Variants in MYC observed in about 807,000 individuals in gnomAD.
The protein encoded by MYC is myc proto-oncogene protein.
MYC carries 1 observed loss-of-function variant against 30.5 expected under a neutral mutation model. That is an observed-to-expected ratio of 0.03 (90% CI 0.01 to 0.16). The LOEUF (loss-of-function observed/expected upper bound fraction) is 0.16. Among genes scored for constraint, MYC ranks in the 10% least tolerant of loss-of-function variants. MYC has a pLI of 1.00. For missense variants in MYC, 508 were observed against 589.0 expected, an observed-to-expected ratio of 0.86 and a Z score of 1.42; for synonymous variants, 267 against 250.7, an observed-to-expected ratio of 1.07 and a Z score of -0.62.
chr8:127,736,435 C>G lies in MYC; in HGVS notation c.-159C>G. Reference sequence around the variant, plus strand: ...CCTTGCCGCATCCACGAAACTTTGCCCATAGCAGCGGGCGGGCACTTTGCA... The same window carrying G: ...CCTTGCCGCATCCACGAAACTTTGCGCATAGCAGCGGGCGGGCACTTTGCA... On this transcript the variant is annotated 5_prime_UTR_variant, in exon 1 of 3. Transcript: ENST00000621592. 1.4e-6 allele frequency: 1 copy of G among 740,426 alleles called. No homozygotes were observed. Among genetic ancestry groups the G allele is most frequent in the South Asian group, 1.8e-5 (1 of 56,320 alleles). The allele number at this position is 740,426 out of a possible 1,614,324, so 45.9% of individuals were successfully genotyped here. A position where few individuals can be genotyped will look rare whatever the true frequency, so the allele number is the denominator to read the frequency against.
intron 1 of MYC, among the ~76,000 whole-genome samples, chr8:127,736,957 T>G (rs1376705766): frequency 6.6e-6 from 1 of 152,182 alleles, no homozygotes; most frequent in Admixed American, 6.5e-5. Flanking sequence ...CTCTGGGTTT[T>G]GGGGGGCTGG....
Position 127,738,332 on chromosome 8 carries a change from T to C in MYC, c.115T>C (p.Tyr39His). ...CTACGACTCGGTGCAGCCGTATTTC[T>C]ACTGCGACGAGGAGGAGAACTTCTA... Residue 39 changes from tyrosine to histidine, a missense_variant, in exon 2 of 3, where the codon TAC (tyrosine) becomes CAC (histidine). This residue lies in a region of MYC where 70 missense variants were observed against 84.5 expected (regional missense o/e 0.83). Transcript: ENST00000621592. This position sits in a 1 kb window ranked among gnomAD's most constrained non-coding sequence, Gnocchi z 7.6. 1.2e-6 allele frequency: 2 copies of C among 1,614,180 alleles called. No individual in the cohort carries two copies. The highest frequency in any genetic ancestry group is 1.7e-6 in the Non-Finnish European group (2 of 1,180,012).
At chr8:127,740,285 C>A in intron 2 of MYC, 111 bp from the exon 3 acceptor site, 1 of 1,164,252 alleles carries the variant, frequency 8.6e-7, no homozygotes, top group Non-Finnish European at 1.2e-6. Flanking sequence ...TAATTTTGTC[C>A]AGAGACCTTT....
At chr8:127,736,050 G>T, upstream of MYC, 1 of 399,316 alleles carries the variant, frequency 2.5e-6, no homozygotes, top group Non-Finnish European at 4.4e-6. Flanking sequence ...TTTATAATGC[G>T]AGGGTCTGGA....
Position 127,738,754 on chromosome 8 carries a change from C to T in MYC, c.537C>T (p.Pro179=), listed in dbSNP as rs748003319. ...GCAAAGACAGCGGCAGCCCGAACCC[C>T]GCCCGCGGCCACAGCGTCTGCTCCA... Residue 179 remains proline, a synonymous_variant, in exon 2 of 3, where the codon CCC becomes CCT. Transcript: ENST00000621592. The surrounding 1 kb of genome is among the most constrained non-coding windows in gnomAD (Gnocchi z 7.6). The T allele has an allele frequency of 1.2e-6, 2 of 1,611,706 alleles. No individual in the cohort carries two copies. Among genetic ancestry groups the T allele is most frequent in the South Asian group, 2.2e-5 (2 of 90,860 alleles).
upstream of MYC, chr8:127,736,044 T>C: frequency 2.5e-6 from 1 of 398,752 alleles, no homozygotes; most frequent in Non-Finnish European, 4.4e-6. Context: ...CGGCCCTTTA[T>C]AATGCGAGGG....
At position 127,738,921 on chromosome 8, in the gene MYC, C is replaced by G; in HGVS notation, c.704C>G (p.Ser235Trp). ...GACTCCAGCGCCTTCTCTCCGTCCT[C>G]GGATTCTCTGCTCTCCTCGACGGAG... The change falls in exon 2 of 3, where the codon TCG becomes TGG. Residue 235 changes from serine to tryptophan, a missense_variant. By Grantham distance (177) the Ser-to-Trp change is radical. Around this residue, in one of 5 missense-constraint regions of MYC, gnomAD observed 364 missense variants for 381.1 expected, o/e 0.96. Coordinates refer to ENST00000621592, the MANE Select transcript of MYC (RefSeq NM_002467.6). This position sits in a 1 kb window ranked among gnomAD's most constrained non-coding sequence, Gnocchi z 7.6. 1 of 1,609,106 alleles carries G rather than the reference C, an allele frequency of 6.2e-7. No homozygotes were observed. The highest frequency in any genetic ancestry group is 8.5e-7 in the Non-Finnish European group (1 of 1,179,918).
chr8:127,735,628 G>A (rs1813568368), upstream of MYC: 6 of 398,862 alleles, frequency 1.5e-5, no homozygotes, highest in East Asian at 1.8e-4. Context: ...ATCAAAGCGC[G>A]GCCCTTTCCC....
At position 127,738,714 on chromosome 8, in the gene MYC, C is replaced by T. The variant is rs777980347; in HGVS notation, c.497C>T (p.Ser166Phe). Residue 166 changes from serine to phenylalanine, a missense_variant, in exon 2 of 3, where the codon TCC becomes TTC. Physicochemically the swap from Ser to Phe is radical, Grantham distance 155. Coordinates refer to ENST00000621592, the MANE Select transcript of MYC (RefSeq NM_002467.6). The surrounding 1 kb of genome is among the most constrained non-coding windows in gnomAD (Gnocchi z 7.6). The stretch of plus-strand genomic sequence containing the variant: ...AAGCTCGTCTCAGAGAAGCTGGCCT[C>T]CTACCAGGCTGCGCGCAAAGACAGC... The T allele has an allele frequency of 6.2e-7, 1 of 1,614,002 alleles. No individual in the cohort carries two copies. The highest frequency in any genetic ancestry group is 8.5e-7 in the Non-Finnish European group (1 of 1,179,914).
rs764712948 is a variant in MYC at position 127,742,055 on chromosome 8, C to T, written c.*1097C>T. On this transcript the variant is annotated 3_prime_UTR_variant, in exon 3 of 3. Coordinates refer to ENST00000621592, the MANE Select transcript of MYC (RefSeq NM_002467.6). ...ATCTGGACCCATTCTGTTCAAAACA[C>T]TTAACCCTTCGCTATCATGCCTTGG... 6.6e-6 allele frequency among the ~76,000 whole-genome samples: 1 copy of T among 152,250 alleles called. No individual in the cohort carries two copies. Among genetic ancestry groups the T allele is most frequent in the Non-Finnish European group, 1.5e-5 (1 of 68,048 alleles).
Position 127,736,441 on chromosome 8 carries a change from C to A in MYC, c.-153C>A. 2 of 770,758 alleles carry A rather than the reference C, an allele frequency of 2.6e-6. No individual in the cohort carries two copies. The highest frequency in any genetic ancestry group is 4.2e-6 in the Non-Finnish European group (2 of 475,750). The allele number at this position is 770,758 out of a possible 1,614,324, so 47.7% of individuals were successfully genotyped here. A position where few individuals can be genotyped will look rare whatever the true frequency, so the allele number is the denominator to read the frequency against. On this transcript the variant is annotated 5_prime_UTR_variant, in exon 1 of 3. Coordinates refer to ENST00000621592, the MANE Select transcript of MYC (RefSeq NM_002467.6). ...CGCATCCACGAAACTTTGCCCATAG[C>A]AGCGGGCGGGCACTTTGCACTGGAA...
chr8:127,735,846 CGTA>C (rs1320932268), upstream of MYC: 1 of 398,752 alleles, frequency 2.5e-6, no homozygotes, highest in East Asian at 3.6e-5. Flanking sequence ...GGTAGGCGCG[CGTA>C]GTTAATTCAT....
Position 127,740,790 on chromosome 8 carries a change from G to T in MYC, c.1197G>T (p.Leu399Phe). The T allele has an allele frequency of 6.2e-7, 1 of 1,613,958 alleles. No individual in the cohort carries two copies. The highest frequency in any genetic ancestry group is 8.5e-7 in the Non-Finnish European group (1 of 1,180,006). ...CCCTGCGTGACCAGATCCCGGAGTT[G>T]GAAAACAATGAAAAGGCCCCCAAGG... The change falls in exon 3 of 3, where the codon TTG becomes TTT. Residue 399 changes from leucine to phenylalanine, a missense_variant. This residue lies in a region of MYC where 40 missense variants were observed against 78.4 expected (regional missense o/e 0.51). Coordinates refer to ENST00000621592, the MANE Select transcript of MYC (RefSeq NM_002467.6).
At chr8:127,735,573 C>A (rs1813567321), upstream of MYC, 1 of 399,074 alleles carries the variant, frequency 2.5e-6, no homozygotes, top group African/African-American at 2.1e-5. Flanking sequence ...TCTGAACGCG[C>A]GCCCATTAAT....
Position 127,742,377 on chromosome 8 carries a change from C to A in MYC, c.*1419C>A, listed in dbSNP as rs529598316. Reference sequence around the variant, plus strand: ...CCTGTCCAAGCCACCTCTCAGACGACGGTAGGAATCAGCTGGCTGCTTGTG... The same window carrying A: ...CCTGTCCAAGCCACCTCTCAGACGAAGGTAGGAATCAGCTGGCTGCTTGTG... On this transcript the variant is annotated 3_prime_UTR_variant, in exon 3 of 3. Transcript: ENST00000621592. Among the ~76,000 whole-genome samples the A allele has an allele frequency of 2.0e-5, 3 of 152,220 alleles. No individual in the cohort carries two copies. The highest frequency in any genetic ancestry group is 6.5e-5 in the Admixed American group (1 of 15,284).
At position 127,738,007 on chromosome 8, in the gene MYC, G is replaced by A. The variant is rs1813629490; in HGVS notation, c.31-241G>A. 6.6e-6 allele frequency among the ~76,000 whole-genome samples: 1 copy of A among 151,950 alleles called. No homozygotes were observed. The highest frequency in any genetic ancestry group is 2.4e-5 in the African/African-American group (1 of 41,378). On this transcript the variant is annotated intron_variant, in intron 1 of 2. Transcript: ENST00000621592. This position sits in a 1 kb window ranked among gnomAD's most constrained non-coding sequence, Gnocchi z 7.6. ...CGCTCCGGGCTCCCGGGGGAGCGGG[G>A]GCTCGGCGGGCACCAAGCCGCTGGT...
In MYC at chr8:127,736,458, G is replaced by A; in HGVS notation, c.-136G>A. 1 of 942,790 alleles carries A rather than the reference G, an allele frequency of 1.1e-6. No individual in the cohort carries two copies. The highest frequency in any genetic ancestry group is 1.5e-5 in the South Asian group (1 of 65,648). The allele number at this position is 942,790 out of a possible 1,614,324, so 58.4% of individuals were successfully genotyped here. A position where few individuals can be genotyped will look rare whatever the true frequency, so the allele number is the denominator to read the frequency against. On this transcript the variant is annotated 5_prime_UTR_variant, in exon 1 of 3. Transcript: ENST00000621592. ...GCCCATAGCAGCGGGCGGGCACTTT[G>A]CACTGGAACTTACAACACCCGAGCA...
rs2130091233 is a variant in MYC, at chr8:127,738,102, C to A, written c.31-146C>A. 1 of 938,020 alleles carries A rather than the reference C, an allele frequency of 1.1e-6. No individual in the cohort carries two copies. The highest frequency in any genetic ancestry group is 1.6e-6 in the Non-Finnish European group (1 of 644,320). The allele number at this position is 938,020 out of a possible 1,614,324, so 58.1% of individuals were successfully genotyped here. ...GTGAAAGGGTGCTCCCTTTATTCCCCCACCAAGACCACCCAGCCGCTTTAG... is the reference window on the plus strand; with the variant it reads ...GTGAAAGGGTGCTCCCTTTATTCCCACACCAAGACCACCCAGCCGCTTTAG... On this transcript the variant is annotated intron_variant, in intron 1 of 2. Coordinates refer to ENST00000621592, the MANE Select transcript of MYC (RefSeq NM_002467.6). The surrounding 1 kb of genome is among the most constrained non-coding windows in gnomAD (Gnocchi z 7.6).
At chr8:127,737,628 C>T (rs1204823426) in intron 1 of MYC, among the ~76,000 whole-genome samples, 1 of 151,514 alleles carries the variant, frequency 6.6e-6, no homozygotes, top group African/African-American at 2.4e-5. Context: ...GCCACTCCAG[C>T]CGGCGAGAGA....
Sources: gnomAD v4.1 joint callset for allele counts (sites outside exome capture counted in the v4.1 genomes callset) on GRCh38, gnomAD v4.1.1 for gene constraint, gnomAD v4.1.1 regional missense constraint, Gnocchi (gnomAD v3.1) non-coding constraint, MANE v1.5 for transcripts, NCBI Gene and HGNC (gene_info 2026-07-23, HGNC 2026-07-21) for gene names.